Variants in DIPK1A observed in about 807,000 individuals in gnomAD.
The protein encoded by DIPK1A is family with sequence similarity 69 member A.
Under a neutral mutation model 40.8 loss-of-function variants are expected in DIPK1A, and 27 were observed. That is an observed-to-expected ratio of 0.66 (90% CI 0.49 to 0.91). The LOEUF is 0.91. Among genes scored for constraint, DIPK1A ranks in the 40% least tolerant of loss-of-function variants. The pLI is 0.00. For synonymous variants in DIPK1A, 166 were observed against 171.3 expected, an observed-to-expected ratio of 0.97 and a Z score of 0.24; for missense variants, 412 against 505.7, an observed-to-expected ratio of 0.81 and a Z score of 1.78.
At chr1:92,858,448 T>C (rs1243225312) in intron 2 of DIPK1A, among the ~76,000 whole-genome samples, 1 of 152,230 alleles carries the variant, frequency 6.6e-6, no homozygotes, top group Non-Finnish European at 1.5e-5. Flanking sequence ...CCCTCCTCTC[T>C]AGCACACAGC....
At chr1:92,948,766 T>C (rs141928131) in intron 1 of DIPK1A, among the ~76,000 whole-genome samples, 2,584 of 141,976 alleles carry the variant, frequency 0.018, 79 homozygotes, top group African/African-American at 0.063. Flanking sequence ...TGTATATATA[T>C]GTGTGTGTGT....
intron 1 of DIPK1A, among the ~76,000 whole-genome samples, chr1:92,900,898 C>T (rs1248710962): frequency 6.6e-6 from 1 of 151,544 alleles, no homozygotes; most frequent in African/African-American, 2.4e-5. Context: ...TTTTTATGTC[C>T]ATGTGTTGAT....
At chr1:92,871,910 G>A (rs1647881127) in intron 2 of DIPK1A, among the ~76,000 whole-genome samples, 1 of 151,976 alleles carries the variant, frequency 6.6e-6, no homozygotes, top group African/African-American at 2.4e-5. Context: ...TATGAATAAT[G>A]CTACTGTGAA....
chr1:92,877,531 A>G (rs1648183083), intron 1 of DIPK1A, among the ~76,000 whole-genome samples: 1 of 152,132 alleles, frequency 6.6e-6, no homozygotes, highest in Admixed American at 6.5e-5. Context: ...GGAAAAAGAG[A>G]CTCAGGAAAT....
At position 92,915,994 on chromosome 1, in the gene DIPK1A, A is replaced by G. The variant is rs1650038835; in HGVS notation, c.55-39564T>C. Among the ~76,000 whole-genome samples, 4 of 152,216 alleles carry G rather than the reference A, an allele frequency of 2.6e-5. No homozygotes were observed. The South Asian group carries it at 6.2e-4, about 24-fold the overall frequency. The stretch of plus-strand genomic sequence containing the variant: ...GATGAACCTTGAAAACATTTTGCTA[A>G]GTACAAGAAGACAAGCACAAAAAGC... On this transcript the variant is annotated intron_variant, in intron 1 of 4. Coordinates refer to ENST00000370310, the MANE Select transcript of DIPK1A (RefSeq NM_001006605.5).
At position 92,952,548 on chromosome 1, in the gene DIPK1A, G is replaced by A. The variant is rs574459865; in HGVS notation, c.54+8828C>T. 2.0e-5 allele frequency among the ~76,000 whole-genome samples: 3 copies of A among 152,186 alleles called. No homozygotes were observed. The East Asian group carries it at 5.8e-4, about 29-fold the overall frequency. Reference sequence around the variant, plus strand: ...GGTGGGAGATCGCTTGAGCCAGGAAGGCTAGGTTGCAGTGAACCATTGAGC... The same window carrying A: ...GGTGGGAGATCGCTTGAGCCAGGAAAGCTAGGTTGCAGTGAACCATTGAGC... On this transcript the variant is annotated intron_variant, in intron 1 of 4. Transcript: ENST00000370310.
At chr1:92,894,226 A>G (rs1479582347) in intron 1 of DIPK1A, among the ~76,000 whole-genome samples, 2 of 152,156 alleles carry the variant, frequency 1.3e-5, no homozygotes, top group African/African-American at 4.8e-5. Context: ...CACCACACCT[A>G]TTCCAAAACT....
At chr1:92,869,992 A>G (rs1484600584) in intron 2 of DIPK1A, among the ~76,000 whole-genome samples, 1 of 152,064 alleles carries the variant, frequency 6.6e-6, no homozygotes, top group Non-Finnish European at 1.5e-5. Context: ...AATTTAAAAT[A>G]TATTACATTT....
chr1:92,852,425 C>A (rs1195244751), intron 2 of DIPK1A, among the ~76,000 whole-genome samples: 1 of 150,402 alleles, frequency 6.6e-6, no homozygotes, highest in African/African-American at 2.5e-5. Context: ...TTGAACCCTG[C>A]GGGGGCGGAG....
chr1:92,938,523 C>T (rs1236560805), intron 1 of DIPK1A, among the ~76,000 whole-genome samples: 1 of 146,136 alleles, frequency 6.8e-6, no homozygotes, highest in Non-Finnish European at 1.5e-5. Context: ...TAAACATATA[C>T]CAAAGACAGA....
intron 1 of DIPK1A, among the ~76,000 whole-genome samples, chr1:92,887,555 G>A (rs1414673958): frequency 6.6e-6 from 1 of 152,158 alleles, no homozygotes; most frequent in Non-Finnish European, 1.5e-5. Context: ...AAATGATACT[G>A]TAGCCCCTTG....
chr1:92,835,089 C>G (rs781054010), intron 4 of DIPK1A: 25 of 872,194 alleles, frequency 2.9e-5, no homozygotes, highest in Non-Finnish European at 4.1e-5. Context: ...ATAAAATTTT[C>G]TGCAATGACA....
In DIPK1A at chr1:92,863,571, C is replaced by CAAA. The variant is rs10650458; in HGVS notation, c.190-12619_190-12617dup. On this transcript the variant is annotated intron_variant, in intron 2 of 4. Transcript: ENST00000370310. ...AACATAGAAAGACCCCTGTCTCTACCAAAAAAAAAAAAAAAAAACCCACAA... is the reference window on the plus strand; with the variant it reads ...AACATAGAAAGACCCCTGTCTCTACCAAAAAAAAAAAAAAAAAAAAACCCACAA... 7.1e-3 allele frequency among the ~76,000 whole-genome samples: 714 copies of CAAA among 100,686 alleles called. 16 individuals are homozygous for CAAA. The highest frequency in any genetic ancestry group is 0.032 in the East Asian group (110 of 3,428). 66.1% of individuals were successfully genotyped at this position (100,686 alleles called of 152,430 possible).
chr1:92,874,452 T>C (rs1482492925), intron 2 of DIPK1A, among the ~76,000 whole-genome samples: 3 of 152,218 alleles, frequency 2.0e-5, no homozygotes, highest in Non-Finnish European at 4.4e-5. Flanking sequence ...TAAAAGAACC[T>C]AAGAAGTCCT....
At chr1:92,885,636 A>T (rs1218027484) in intron 1 of DIPK1A, among the ~76,000 whole-genome samples, 2 of 152,174 alleles carry the variant, frequency 1.3e-5, no homozygotes, top group African/African-American at 4.8e-5. Flanking sequence ...GATTATAGGC[A>T]TGAGCTACCG....
At chr1:92,837,229 G>C, downstream of DIPK1A, 1 of 712,302 alleles carries the variant, frequency 1.4e-6, no homozygotes, top group Non-Finnish European at 2.6e-6. Context: ...CCTTGGTAAT[G>C]GCTTTTAAAG....
chr1:92,932,433 T>G (rs1285354676), intron 1 of DIPK1A: 1 of 151,732 alleles, frequency 6.6e-6, no homozygotes, highest in Non-Finnish European at 1.5e-5. Flanking sequence ...ACAGCGAGAC[T>G]CTGTCTCAAA....
downstream of DIPK1A, chr1:92,841,718 A>C: frequency 8.4e-7 from 1 of 1,194,346 alleles, no homozygotes. Context: ...TAAATATTCT[A>C]TTCTCTTCAG....
At chr1:92,856,558 C>T (rs1430810808) in intron 2 of DIPK1A, among the ~76,000 whole-genome samples, 1 of 151,870 alleles carries the variant, frequency 6.6e-6, no homozygotes, top group Non-Finnish European at 1.5e-5. Context: ...GCTGGGATTA[C>T]AGGTGTCCAC....
Sources: gnomAD v4.1 joint callset for allele counts (sites outside exome capture counted in the v4.1 genomes callset) on GRCh38, gnomAD v4.1.1 for gene constraint, MANE v1.5 for transcripts, NCBI Gene and HGNC (gene_info 2026-07-23, HGNC 2026-07-21) for gene names.